Variants in ZNF300 observed in about 807,000 individuals in gnomAD.
ZNF300 encodes the protein zinc finger protein 300.
Under a neutral mutation model 13.9 loss-of-function variants are expected in ZNF300, and 6 were observed. The observed-to-expected ratio is 0.43, with a 90% confidence interval of 0.24 to 0.85. ZNF300 has a LOEUF of 0.85. ZNF300 is among the 40% of genes least tolerant of loss of function. The pLI is 0.25. For missense variants in ZNF300, 662 were observed against 714.2 expected, an observed-to-expected ratio of 0.93 and a Z score of 0.83; for synonymous variants, 237 against 242.2, an observed-to-expected ratio of 0.98 and a Z score of 0.20.
In ZNF300 at chr5:150,899,421, A is replaced by T. The variant is rs183172854; in HGVS notation, c.16-867T>A. On this transcript the variant is annotated intron_variant, in intron 3 of 5. Transcript: ENST00000274599. ...GCCCTTTGTAAGTACATTTTTTTTT[A>T]AAAAAAGAAAAGCTACATTTAGAGA... is the stretch of plus-strand genomic sequence containing the variant. 7.5e-3 allele frequency among the ~76,000 whole-genome samples: 1,043 copies of T among 139,128 alleles called. 4 individuals are homozygous for T. Among genetic ancestry groups the T allele is most frequent in the Non-Finnish European group, 0.013 (840 of 62,332 alleles). The allele number at this position is 139,128 out of a possible 152,430, so 91.3% of individuals were successfully genotyped here.
chr5:150,895,334 G>T lies in ZNF300; in HGVS notation c.*90C>A. 9.9e-7 allele frequency: 1 copy of T among 1,012,824 alleles called. No homozygotes were observed. Among genetic ancestry groups the T allele is most frequent in the Non-Finnish European group, 1.4e-6 (1 of 722,658 alleles). The allele number at this position is 1,012,824 out of a possible 1,614,324, so 62.7% of individuals were successfully genotyped here. On this transcript the variant is annotated 3_prime_UTR_variant, in exon 6 of 6. Coordinates refer to ENST00000274599, the MANE Select transcript of ZNF300 (RefSeq NM_052860.4). ...TTCCCTTAAAAATTTTTATCTATTGGGATGTTGTCCCCAAGCTTATCAAAT... is the reference window on the plus strand; with the variant it reads ...TTCCCTTAAAAATTTTTATCTATTGTGATGTTGTCCCCAAGCTTATCAAAT...
rs1561759938 is a variant in ZNF300, at chr5:150,903,989, CAAAA to C, written c.-141-16_-141-13del. The stretch of plus-strand genomic sequence containing the variant: ...GGGTATCAAAACATCTGGAAGGAAA[CAAAA>C]GAAACAATCATACTCATCTCTGGAT... On this transcript the variant is annotated splice_polypyrimidine_tract_variant and intron_variant, in intron 1 of 5. Transcript: ENST00000274599. 1.3e-5 allele frequency: 2 copies of C among 152,324 alleles called. No individual in the cohort carries two copies. The highest frequency in any genetic ancestry group is 2.1e-4 in the South Asian group (1 of 4,820). 9.4% of individuals were successfully genotyped at this position (152,324 alleles called of 1,614,324 possible).
chr5:150,903,316 G>T, intron 2 of ZNF300, 134 bp from the exon 3 acceptor site: 1 of 1,571,160 alleles, frequency 6.4e-7, no homozygotes, highest in South Asian at 1.1e-5. Context: ...GGATAAGGTT[G>T]TTTGAGCCTT....
In ZNF300 at chr5:150,895,659, C is replaced by T. The variant is rs1291070352; in HGVS notation, c.1580G>A (p.Gly527Glu). The change falls in exon 6 of 6, where the codon GGG (glycine) becomes GAG (glutamate). Residue 527 changes from glycine to glutamate, a missense_variant. Physicochemically the swap from Gly to Glu is moderately conservative, Grantham distance 98. Transcript: ENST00000274599. ...GEKPYICTEC[G>E]KAFSQKSHLP... ...GTGGGACTTCTGAGAGAAGGCTTTC[C>T]CACATTCAGTACATATATAAGGTTT... 20 of 1,613,054 alleles carry T rather than the reference C, an allele frequency of 1.2e-5. No individual in the cohort carries two copies. The highest frequency in any genetic ancestry group is 1.6e-5 in the Non-Finnish European group (19 of 1,179,602).
Position 150,895,422 on chromosome 5 carries a change from C to A in ZNF300, c.*2G>T. The A allele has an allele frequency of 6.3e-7, 1 of 1,584,266 alleles. No homozygotes were observed. The highest frequency in any genetic ancestry group is 1.4e-5 in the African/African-American group (1 of 74,046). ...TACTAAGGCTTTTCTGTGGCCAGTT[C>A]ATTATGATTTTACCACTGTGTGAAT... On this transcript the variant is annotated 3_prime_UTR_variant, in exon 6 of 6. Transcript: ENST00000274599.
chr5:150,897,852 A>T (rs1307784383), intron 5 of ZNF300: 1 of 493,064 alleles, frequency 2.0e-6, no homozygotes, highest in African/African-American at 2.0e-5. Context: ...AAACCCTTTC[A>T]GGAAAGACAA....
Position 150,904,865 on chromosome 5 carries a change from A to C in ZNF300, c.-303T>G, listed in dbSNP as rs114667952. On this transcript the variant is annotated 5_prime_UTR_variant, in exon 1 of 6. Coordinates refer to ENST00000274599, the MANE Select transcript of ZNF300 (RefSeq NM_052860.4). ...GGCTCCCGAGGCTGCGCCGTTCCGT[A>C]CTGGGCGGTTTTGCCCGTTCCGCAT... 973 of 152,546 alleles carry C rather than the reference A, an allele frequency of 6.4e-3. 2 individuals carry two copies. Among genetic ancestry groups the C allele is most frequent in the Admixed American group, 0.011 (162 of 15,304 alleles). The allele number at this position is 152,546 out of a possible 1,614,324, so 9.4% of individuals were successfully genotyped here.
chr5:150,897,989 A>AT (rs2113020184), intron 5 of ZNF300, 73 bp downstream of exon 5: 2 of 1,525,988 alleles, frequency 1.3e-6, no homozygotes, highest in Admixed American at 4.3e-5. Flanking sequence ...AGAATAGGAG[A>AT]TTTTGATAAG....
At chr5:150,903,400 T>C (rs886797982) in intron 2 of ZNF300, 20 of 1,528,850 alleles carry the variant, frequency 1.3e-5, no homozygotes, top group South Asian at 2.4e-5. Context: ...TATGATCACA[T>C]AGAAGTTGAC....
chr5:150,903,517 G>A lies in ZNF300; in HGVS notation c.-27-335C>T, dbSNP rs764194272. ...AATTCTATTTATAGAAGATTTTCAT[G>A]AGGCAATAATCATGGATAGCTATAT... is the stretch of plus-strand genomic sequence containing the variant. On this transcript the variant is annotated intron_variant, in intron 2 of 5. Coordinates refer to ENST00000274599, the MANE Select transcript of ZNF300 (RefSeq NM_052860.4). The A allele has an allele frequency of 7.8e-5, 56 of 717,544 alleles. No individual in the cohort carries two copies. In the Middle Eastern group the frequency reaches 1.1e-3, roughly 14 times the overall value. The allele number at this position is 717,544 out of a possible 1,614,324, so 44.4% of individuals were successfully genotyped here.
At chr5:150,899,266 C>A (rs1034261922) in intron 3 of ZNF300, among the ~76,000 whole-genome samples, 5 of 151,646 alleles carry the variant, frequency 3.3e-5, no homozygotes, top group African/African-American at 1.2e-4. Context: ...AACCAATACA[C>A]TATATAATAC....
rs1474345954 is a variant in ZNF300 at position 150,898,163 on chromosome 5, T to G, written c.164A>C (p.Asp55Ala). The change falls in exon 5 of 6, where the codon GAT (aspartate) becomes GCT (alanine). Residue 55 changes from aspartate (D) to alanine (A), a missense_variant. Asp to Ala is a moderately radical substitution (Grantham distance 126, BLOSUM62 -2). Transcript: ENST00000274599. ...TCCTTGTTCCAACTTGGAGATGACATCTGGTTTGGAAACTGGATACCCTAT... is the reference window on the plus strand; with the variant it reads ...TCCTTGTTCCAACTTGGAGATGACAGCTGGTTTGGAAACTGGATACCCTAT... ...VSMGYPVSKPDVISKLEQGEE... is the reference protein window; with the variant it reads ...VSMGYPVSKPAVISKLEQGEE... 6.2e-7 allele frequency: 1 copy of G among 1,613,378 alleles called. No individual in the cohort carries two copies. Among genetic ancestry groups the G allele is most frequent in the African/African-American group, 1.3e-5 (1 of 74,886 alleles).
At chr5:150,900,671 A>G (rs1042126146) in intron 3 of ZNF300, 3 of 152,092 alleles carry the variant, frequency 2.0e-5, no homozygotes, top group African/African-American at 7.2e-5. Context: ...TGGGTACTTA[A>G]GAAACGTTTG....
chr5:150,896,684 A>G lies in ZNF300; in HGVS notation c.555T>C (p.His185=), dbSNP rs1754797431. 2.1e-5 allele frequency: 34 copies of G among 1,613,462 alleles called. No homozygotes were observed. Among genetic ancestry groups the G allele is most frequent in the African/African-American group, 2.7e-5 (2 of 74,884 alleles). The change falls in exon 6 of 6, where the codon CAT becomes CAC. Residue 185 remains histidine, a synonymous_variant. Transcript: ENST00000274599. ...IETDISIQRF[H]KYDAFKKNLK... is the part of the protein sequence containing the mutation. Reference sequence around the variant, plus strand: ...AGTTCTTTTTAAAAGCATCATATTTATGGAATCTCTGTATTGATATATCTG... The same window carrying G: ...AGTTCTTTTTAAAAGCATCATATTTGTGGAATCTCTGTATTGATATATCTG...
intron 1 of ZNF300, among the ~76,000 whole-genome samples, 177 bp from the exon 2 acceptor site, chr5:150,904,154 G>T (rs111894021): frequency 0.039 from 5,988 of 152,204 alleles, 177 homozygotes; most frequent in East Asian, 0.16. Flanking sequence ...GTTTTAAAAT[G>T]ACCATTTGAT....
chr5:150,903,427 GA>G lies in ZNF300; in HGVS notation c.-27-246del. 3 of 1,399,494 alleles carry G rather than the reference GA, an allele frequency of 2.1e-6. No individual in the cohort carries two copies. In the South Asian group the frequency reaches 3.7e-5, roughly 17 times the overall value. 86.7% of individuals were successfully genotyped at this position (1,399,494 alleles called of 1,614,324 possible). A position where few individuals can be genotyped will look rare whatever the true frequency, so the allele number is the denominator to read the frequency against. On this transcript the variant is annotated intron_variant, in intron 2 of 5. Transcript: ENST00000274599. ...GAAGTTGACCAAGGTTTTATAATTG[GA>G]TAGATGTGAAGATATGTTTCCAGTT... is the stretch of plus-strand genomic sequence containing the variant.
intron 1 of ZNF300, among the ~76,000 whole-genome samples, chr5:150,904,205 A>G (rs77686589): frequency 3.9e-5 from 6 of 152,232 alleles, no homozygotes; most frequent in Non-Finnish European, 5.9e-5. Flanking sequence ...ATGGTAGACT[A>G]AGAAAAGATG....
intron 3 of ZNF300, among the ~76,000 whole-genome samples, chr5:150,902,219 A>G (rs1561759073): frequency 1.3e-5 from 2 of 152,318 alleles, no homozygotes. Context: ...GGGAGAGCAA[A>G]GAAGGAACAG....
At chr5:150,903,325 T>C in intron 2 of ZNF300, 143 bp from the exon 3 acceptor site, 5 of 1,564,314 alleles carry the variant, frequency 3.2e-6, no homozygotes, top group Non-Finnish European at 4.3e-6. Flanking sequence ...TGTTTGAGCC[T>C]TACAGAAGTC....
Sources: gnomAD v4.1 joint callset for allele counts (sites outside exome capture counted in the v4.1 genomes callset) on GRCh38, gnomAD v4.1.1 for gene constraint, MANE v1.5 for transcripts, NCBI Gene and HGNC (gene_info 2026-07-23, HGNC 2026-07-21) for gene names.